The following TMTC2 variants were observed in gnomAD, a reference collection of about 807,000 sequenced individuals.
TMTC2 encodes transmembrane O-mannosyltransferase targeting cadherins 2.
In TMTC2, 43 loss-of-function variants were observed where a neutral mutation model predicts 82.4. The observed-to-expected ratio is 0.52, with a 90% CI of 0.41 to 0.67. The LOEUF (loss-of-function observed/expected upper bound fraction) is 0.67. Ranked by LOEUF, TMTC2 falls within the 30% of genes least tolerant of loss-of-function variation. The pLI, the probability that TMTC2 is intolerant of heterozygous loss-of-function variation, is 0.00. For synonymous variants in TMTC2, 408 were observed against 381.9 expected (o/e 1.07, Z -0.80); for missense variants, 919 against 1,012.4 (o/e 0.91, Z 1.25).
At chr12:82,824,844 T>C (rs539764852) in intron 1 of TMTC2, among the ~76,000 whole-genome samples, 31 of 152,094 alleles carry the variant, frequency 2.0e-4, no homozygotes, top group African/African-American at 7.5e-4. Context: ...ATCCCAGCAC[T>C]TTGGGAGTCC....
chr12:82,965,550 TC>T lies in TMTC2; in HGVS notation c.1685-5del. 6.2e-7 allele frequency: 1 copy of T among 1,613,246 alleles called. No homozygotes were observed. The highest frequency in any genetic ancestry group is 8.5e-7 in the Non-Finnish European group (1 of 1,179,390). ...CTTCTCACACTTTTGTTTCCACTTT[TC>T]CCCCTCAGCTGCATATTTAAATACC... On this transcript the variant is annotated splice_polypyrimidine_tract_variant and intron_variant, in intron 5 of 11. Coordinates refer to ENST00000321196, the MANE Select transcript of TMTC2 (RefSeq NM_152588.3).
At chr12:82,993,361 C>CTTA (rs1879478988) in intron 8 of TMTC2, among the ~76,000 whole-genome samples, 1 of 95,436 alleles carries the variant, frequency 1.0e-5, no homozygotes, top group African/African-American at 3.3e-5. Flanking sequence ...TGCAGGTCTA[C>CTTA]TTATACACAG....
chr12:83,037,163 T>A (rs1881696958), intron 9 of TMTC2, among the ~76,000 whole-genome samples: 1 of 152,222 alleles, frequency 6.6e-6, no homozygotes, highest in Admixed American at 6.5e-5. Flanking sequence ...ATTATTTGTT[T>A]CACTTTTAAA....
chr12:82,975,756 C>G (rs1878639305), intron 7 of TMTC2, among the ~76,000 whole-genome samples: 1 of 151,310 alleles, frequency 6.6e-6, no homozygotes, highest in African/African-American at 2.4e-5. Context: ...TCTTTTGACT[C>G]ATAGGAGAGT....
chr12:83,125,464 A>G (rs1885074528), intron 11 of TMTC2, among the ~76,000 whole-genome samples: 1 of 152,218 alleles, frequency 6.6e-6, no homozygotes, highest in African/African-American at 2.4e-5. Flanking sequence ...CCAAAGAGGA[A>G]ATATAAAGAG....
At chr12:82,955,826 G>A (rs570869024) in intron 4 of TMTC2, among the ~76,000 whole-genome samples, 1 of 152,038 alleles carries the variant, frequency 6.6e-6, no homozygotes, top group Non-Finnish European at 1.5e-5. Flanking sequence ...AGAAATCTGA[G>A]AAGTAAAATA....
At chr12:82,864,570 T>C (rs907546970) in intron 2 of TMTC2, among the ~76,000 whole-genome samples, 4 of 149,536 alleles carry the variant, frequency 2.7e-5, no homozygotes, top group African/African-American at 2.5e-5. Context: ...GGCGCAATCT[T>C]GGCTCACTGC....
intron 1 of TMTC2, among the ~76,000 whole-genome samples, chr12:82,843,587 A>C (rs73358284): frequency 0.081 from 12,335 of 152,210 alleles, 629 homozygotes; most frequent in African/African-American, 0.13. Context: ...GGTAAGGATT[A>C]TTGCAAACAT....
chr12:82,828,655 G>A (rs1869576029), intron 1 of TMTC2, among the ~76,000 whole-genome samples: 2 of 152,154 alleles, frequency 1.3e-5, no homozygotes, highest in African/African-American at 4.8e-5. Flanking sequence ...AAAGGTTTCT[G>A]TCCTTAAAAT....
intron 1 of TMTC2, among the ~76,000 whole-genome samples, chr12:82,757,633 T>G (rs982958686): frequency 2.6e-5 from 4 of 152,232 alleles, no homozygotes; most frequent in Non-Finnish European, 4.4e-5. Context: ...AATTTTCAAA[T>G]TGCTCCTTAT....
intron 2 of TMTC2, among the ~76,000 whole-genome samples, chr12:82,882,877 G>T (rs1342240738): frequency 6.6e-6 from 1 of 151,964 alleles, no homozygotes; most frequent in Non-Finnish European, 1.5e-5. Flanking sequence ...TCAACATCGT[G>T]AAACCCTGTC....
intron 8 of TMTC2, among the ~76,000 whole-genome samples, chr12:82,996,758 A>T (rs1879633749): frequency 6.6e-6 from 1 of 152,126 alleles, no homozygotes; most frequent in Non-Finnish European, 1.5e-5. Flanking sequence ...TCACCAAGAA[A>T]TTTTTGTCTC....
chr12:82,975,897 TA>T (rs3068096), intron 7 of TMTC2, among the ~76,000 whole-genome samples: 7,252 of 151,578 alleles, frequency 0.048, 306 homozygotes, highest in East Asian at 0.11. Context: ...AACTTTTTTT[TA>T]AAAAAAAAAT....
At chr12:82,890,574 A>T (rs1303237024) in intron 2 of TMTC2, among the ~76,000 whole-genome samples, 1 of 152,234 alleles carries the variant, frequency 6.6e-6, no homozygotes, top group East Asian at 1.9e-4. Context: ...AGAGTTGTAC[A>T]AATATGCAGT....
At chr12:82,843,090 A>G (rs1027372982) in intron 1 of TMTC2, among the ~76,000 whole-genome samples, 23 of 151,696 alleles carry the variant, frequency 1.5e-4, no homozygotes, top group African/African-American at 5.4e-4. Context: ...TACTGACCCT[A>G]ATAGTCTCGA....
chr12:82,690,282 TAG>T (rs1872522134), intron 1 of TMTC2: 1 of 626,932 alleles, frequency 1.6e-6, no homozygotes, highest in African/African-American at 2.0e-5. Context: ...TTGCTTAAAC[TAG>T]ACCTGTGGAT....
chr12:82,906,621 G>A (rs1024941204), intron 3 of TMTC2, among the ~76,000 whole-genome samples: 4 of 151,986 alleles, frequency 2.6e-5, no homozygotes, highest in Admixed American at 1.3e-4. Context: ...CCCAGGAGGC[G>A]GAGGCTGCAG....
chr12:82,847,842 T>C (rs1870771299), intron 1 of TMTC2, among the ~76,000 whole-genome samples: 1 of 151,994 alleles, frequency 6.6e-6, no homozygotes, highest in African/African-American at 2.4e-5. Context: ...AAATACCTAA[T>C]GTAAATGAGG....
chr12:83,132,200 C>A lies in TMTC2; in HGVS notation c.2332-10C>A, dbSNP rs1885277313. The stretch of plus-strand genomic sequence containing the variant: ...CCTCCTAATTGTTTTCCTTCTTTCT[C>A]TTGTTGCAGTATCCGGCTGCTTTGA... On this transcript the variant is annotated splice_polypyrimidine_tract_variant and intron_variant, in intron 11 of 11. Transcript: ENST00000321196. 4 of 1,584,448 alleles carry A rather than the reference C, an allele frequency of 2.5e-6. No homozygotes were observed. Among genetic ancestry groups the A allele is most frequent in the Non-Finnish European group, 3.4e-6 (4 of 1,168,474 alleles).
Sources: gnomAD v4.1 joint callset for allele counts (sites outside exome capture counted in the v4.1 genomes callset) on GRCh38, gnomAD v4.1.1 for gene constraint, MANE v1.5 for transcripts, NCBI Gene and HGNC (gene_info 2026-07-23, HGNC 2026-07-21) for gene names.